MROH1: variants seen among roughly 807,000 people sequenced by gnomAD.
The protein encoded by MROH1 is maestro heat-like repeat-containing protein family member 1.
In MROH1, 117 loss-of-function variants were observed where a neutral mutation model predicts 116.5. The ratio of observed to expected loss-of-function variants is 1.00; its 90% CI spans 0.86 to 1.17. The LOEUF (loss-of-function observed/expected upper bound fraction) is 1.17. Ranked by LOEUF, MROH1 falls within the 50% of genes most tolerant of loss-of-function variation. The probability of loss-of-function intolerance (pLI) is 0.00; values close to 1 mark genes in which losing one functional copy is unlikely to be tolerated. For missense variants in MROH1, 1,873 were observed against 1,338.5 expected, an observed-to-expected ratio of 1.40 and a Z score of -6.23; for synonymous variants, 921 against 583.9, an observed-to-expected ratio of 1.58 and a Z score of -8.32.
intron 11 of MROH1, among the ~76,000 whole-genome samples, 195 bp downstream of exon 11, chr8:144,199,395 G>A (rs1830611817): frequency 2.0e-5 from 3 of 152,174 alleles, no homozygotes; most frequent in South Asian, 2.1e-4. Flanking sequence ...AGCCTGGAAC[G>A]TTGTTCACCT....
At position 144,190,554 on chromosome 8, in the gene MROH1, T is replaced by A. The variant is rs1828306024; in HGVS notation, c.563-230T>A. 6.6e-5 allele frequency among the ~76,000 whole-genome samples: 10 copies of A among 152,084 alleles called. No homozygotes were observed. In the South Asian group the frequency reaches 2.1e-3, roughly 32 times the overall value. ...GCCTGAGTGACAGACCGAGCAAGACTCTGTCTCAAAAAAAGTCACATCTGC... is the reference window on the plus strand; with the variant it reads ...GCCTGAGTGACAGACCGAGCAAGACACTGTCTCAAAAAAAGTCACATCTGC... On this transcript the variant is annotated intron_variant, in intron 7 of 43. Coordinates refer to ENST00000326134, the MANE Select transcript of MROH1 (RefSeq NM_032450.3).
Position 144,261,231 on chromosome 8 carries a change from C to G in MROH1, c.4774+15C>G. 1.3e-6 allele frequency: 1 copy of G among 763,124 alleles called. No homozygotes were observed. The allele number at this position is 763,124 out of a possible 1,614,324, so 47.3% of individuals were successfully genotyped here. A position where few individuals can be genotyped will look rare whatever the true frequency, so the allele number is the denominator to read the frequency against. ...CCTGTTCACCGGTAAGCACCACCCCCTGCCCCACCCCCACGCCGCCCGGCA... is the reference window on the plus strand; with the variant it reads ...CCTGTTCACCGGTAAGCACCACCCCGTGCCCCACCCCCACGCCGCCCGGCA... On this transcript the variant is annotated intron_variant, in intron 42 of 43. Coordinates refer to ENST00000326134, the MANE Select transcript of MROH1 (RefSeq NM_032450.3).
chr8:144,186,271 G>A (rs11995603), intron 7 of MROH1, among the ~76,000 whole-genome samples: 16,680 of 151,816 alleles, frequency 0.11, 2,003 homozygotes, highest in African/African-American at 0.3. Flanking sequence ...AGAGGTGCCC[G>A]CCACCACACC....
At chr8:144,176,964 C>T (rs1393282374) in intron 4 of MROH1, among the ~76,000 whole-genome samples, 1 of 152,092 alleles carries the variant, frequency 6.6e-6, no homozygotes, top group African/African-American at 2.4e-5. Context: ...TCCCCACCTG[C>T]CTCACTCTTG....
chr8:144,197,155 C>T (rs2131721510), intron 10 of MROH1, among the ~76,000 whole-genome samples: 1 of 152,282 alleles, frequency 6.6e-6, no homozygotes, highest in South Asian at 2.1e-4. Flanking sequence ...AAGGTGAGAG[C>T]AGCTCAGGGG....
At chr8:144,202,945 A>G (rs572549839) in intron 12 of MROH1, among the ~76,000 whole-genome samples, 31 of 17,198 alleles carry the variant, frequency 1.8e-3, no homozygotes, top group South Asian at 2.7e-3. Context: ...CGCTCTCTGT[A>G]GAGGGGCGGG....
intron 1 of MROH1, among the ~76,000 whole-genome samples, chr8:144,150,634 T>C (rs1816495542): frequency 6.6e-6 from 1 of 152,182 alleles, no homozygotes; most frequent in Non-Finnish European, 1.5e-5. Flanking sequence ...AGCCTACAAA[T>C]AGAGGAGCTA....
chr8:144,248,921 G>A lies in MROH1; in HGVS notation c.3165G>A (p.Leu1055=), dbSNP rs1311359323. The A allele has an allele frequency of 4.0e-5, 31 of 777,156 alleles. 1 individual carries two copies. The African/African-American group carries it at 4.9e-4, about 12-fold the overall frequency. The allele number at this position is 777,156 out of a possible 1,614,324, so 48.1% of individuals were successfully genotyped here. ...CCCCAGACCAGCTCATCAGCCTCTT[G>A]CTAACCATGTTTGAGGCCCTGGGAG... is the stretch of plus-strand genomic sequence containing the variant. The part of the protein sequence containing the change: ...RLPPDQLISL[L]LTMFEALGDP... Residue 1055 remains leucine, a synonymous_variant, in exon 32 of 44, where the codon TTG becomes TTA. Coordinates refer to ENST00000326134, the MANE Select transcript of MROH1 (RefSeq NM_032450.3).
chr8:144,196,146 T>C (rs1253064681), intron 10 of MROH1, among the ~76,000 whole-genome samples: 1 of 151,446 alleles, frequency 6.6e-6, no homozygotes, highest in Non-Finnish European at 1.5e-5. Flanking sequence ...AAAAATTAGC[T>C]GGGCGTGGTG....
intron 4 of MROH1, among the ~76,000 whole-genome samples, chr8:144,170,420 A>C (rs575787198): frequency 6.6e-6 from 1 of 152,104 alleles, no homozygotes; most frequent in Admixed American, 6.5e-5. Flanking sequence ...CTTCCCAGGG[A>C]CTTTCCCTGC....
intron 14 of MROH1, among the ~76,000 whole-genome samples, chr8:144,229,030 C>T (rs142106870): frequency 2.7e-4 from 41 of 152,322 alleles, no homozygotes; most frequent in African/African-American, 9.1e-4. Context: ...TTTCTTTGCC[C>T]ATCCAAAAGA....
At chr8:144,254,243 A>G (rs1843313194) in intron 33 of MROH1, among the ~76,000 whole-genome samples, 1 of 152,208 alleles carries the variant, frequency 6.6e-6, no homozygotes, top group Non-Finnish European at 1.5e-5. Flanking sequence ...ACTGGCACCA[A>G]ATATGTCCAC....
intron 7 of MROH1, among the ~76,000 whole-genome samples, chr8:144,184,228 G>T (rs1333512460): frequency 6.6e-6 from 1 of 152,194 alleles, no homozygotes; most frequent in Admixed American, 6.5e-5. Context: ...TGTCCTGGGT[G>T]GGGTGACCAG....
intron 4 of MROH1, among the ~76,000 whole-genome samples, chr8:144,175,838 C>T (rs1394220628): frequency 6.6e-6 from 1 of 152,000 alleles, no homozygotes; most frequent in African/African-American, 2.4e-5. Flanking sequence ...ATCACGAGGT[C>T]AGGAGTTTGA....
At chr8:144,260,486 A>T (rs1343374317) in intron 39 of MROH1, 112 bp downstream of exon 39, 3 of 698,686 alleles carry the variant, frequency 4.3e-6, no homozygotes, top group African/African-American at 1.7e-5. Context: ...CGGCTAGGTG[A>T]CCGTGGAGAG....
chr8:144,201,434 G>A (rs529615216), intron 12 of MROH1, among the ~76,000 whole-genome samples: 13 of 152,276 alleles, frequency 8.5e-5, no homozygotes, highest in Admixed American at 2.6e-4. Context: ...GGTTTCCAGC[G>A]TGGCTCTTCC....
rs1398510802 is a variant in MROH1, at chr8:144,168,278, A to AG, written c.23-15dup. 6 of 1,581,156 alleles carry AG rather than the reference A, an allele frequency of 3.8e-6. No homozygotes were observed. In the East Asian group the frequency reaches 1.1e-4, roughly 30 times the overall value. ...GCGCTTGGGCCTGAGCATGCTAACC[A>AG]GGCTTTGTCGCTGCAGAGCTGGCCT... On this transcript the variant is annotated splice_polypyrimidine_tract_variant and intron_variant, in intron 3 of 43. Coordinates refer to ENST00000326134, the MANE Select transcript of MROH1 (RefSeq NM_032450.3).
chr8:144,212,254 T>C (rs1407173952), intron 12 of MROH1, among the ~76,000 whole-genome samples: 1 of 152,000 alleles, frequency 6.6e-6, no homozygotes, highest in Non-Finnish European at 1.5e-5. Context: ...CTGGCTAATT[T>C]TTCTATTTTT....
intron 14 of MROH1, 116 bp downstream of exon 14, chr8:144,223,346 C>A: frequency 7.5e-7 from 1 of 1,333,122 alleles, no homozygotes; most frequent in Non-Finnish European, 1.0e-6. Flanking sequence ...CTGCAGTCTG[C>A]GTGCGGAGGT....
Sources: gnomAD v4.1 joint callset for allele counts (sites outside exome capture counted in the v4.1 genomes callset) on GRCh38, gnomAD v4.1.1 for gene constraint, MANE v1.5 for transcripts, NCBI Gene and HGNC (gene_info 2026-07-23, HGNC 2026-07-21) for gene names.